Variants in ZHX2 observed in about 807,000 individuals in gnomAD.
ZHX2 encodes zinc fingers and homeoboxes 2.
A neutral mutation model predicts 21.9 loss-of-function variants in ZHX2; 6 were observed. That is an observed-to-expected ratio of 0.27 (90% CI 0.15 to 0.54). The LOEUF (loss-of-function observed/expected upper bound fraction) is 0.54. Ranked by LOEUF, ZHX2 falls within the 20% of genes least tolerant of loss-of-function variation. The pLI is 0.95. For synonymous variants in ZHX2, 434 were observed against 437.1 expected (o/e 0.99, Z 0.09); for missense variants, 908 against 1,090.7 (o/e 0.83, Z 2.36).
At chr8:122,797,849 G>T (rs1323856244) in intron 1 of ZHX2, among the ~76,000 whole-genome samples, 1 of 152,148 alleles carries the variant, frequency 6.6e-6, no homozygotes, top group East Asian at 1.9e-4. Flanking sequence ...TCTAATTACT[G>T]CCAGCACTAA....
intron 2 of ZHX2, among the ~76,000 whole-genome samples, chr8:122,929,660 A>T (rs1205567038): frequency 1.5e-4 from 22 of 150,654 alleles, no homozygotes; most frequent in Non-Finnish European, 3.3e-4. Context: ...AAAAAAAGAC[A>T]GTTGTTGGGA....
chr8:122,807,044 T>G (rs2130592939), intron 1 of ZHX2, among the ~76,000 whole-genome samples: 1 of 152,148 alleles, frequency 6.6e-6, no homozygotes, highest in East Asian at 1.9e-4. Context: ...CAGTCCACAG[T>G]GTGGAGAAGG....
rs184994531 is a variant in ZHX2 at position 122,940,588 on chromosome 8, T to C, written c.-219-10704T>C. Among the ~76,000 whole-genome samples, 196 of 152,282 alleles carry C rather than the reference T, an allele frequency of 1.3e-3. 1 individual carries two copies. The highest frequency in any genetic ancestry group is 3.1e-3 in the East Asian group (16 of 5,180). On this transcript the variant is annotated intron_variant, in intron 2 of 3. Transcript: ENST00000314393. ...AACTTCCATGGGCCACTCATGAAGC[T>C]TTTTTGGTTAGAAAGGATCATGTCA...
chr8:122,871,103 C>T (rs1348840847), intron 2 of ZHX2, among the ~76,000 whole-genome samples: 1 of 152,134 alleles, frequency 6.6e-6, no homozygotes, highest in Non-Finnish European at 1.5e-5. Flanking sequence ...AATTCACATC[C>T]TGGCCCAGCC....
rs118096047 is a variant in ZHX2 at position 122,956,536 on chromosome 8, A to G, written c.*4+2508A>G. Among the ~76,000 whole-genome samples, 14 of 152,236 alleles carry G rather than the reference A, an allele frequency of 9.2e-5. No homozygotes were observed. The East Asian group carries it at 2.7e-3, about 29-fold the overall frequency. ...GAGAAGGAGTTAGCCAAGTGCACAG[A>G]CAAGGGAAAGAGGGGTCCACATGGA... On this transcript the variant is annotated intron_variant, in intron 3 of 3. Coordinates refer to ENST00000314393, the MANE Select transcript of ZHX2 (RefSeq NM_014943.5).
intron 1 of ZHX2, among the ~76,000 whole-genome samples, chr8:122,789,175 T>C (rs1817461156): frequency 6.6e-6 from 1 of 152,200 alleles, no homozygotes; most frequent in Non-Finnish European, 1.5e-5. Flanking sequence ...AATGGCTGTG[T>C]TGCTGTTTTT....
rs767745574 is a variant in ZHX2 at position 122,953,178 on chromosome 8, A to T, written c.1668A>T (p.Gln556His). The T allele has an allele frequency of 6.2e-7, 1 of 1,613,838 alleles. No individual in the cohort carries two copies. The highest frequency in any genetic ancestry group is 8.5e-7 in the Non-Finnish European group (1 of 1,180,004). Residue 556 changes from glutamine to histidine, a missense_variant, in exon 3 of 4, where the codon CAA (glutamine) becomes CAT (histidine). By Grantham distance (24) the Gln-to-His change is conservative. Coordinates refer to ENST00000314393, the MANE Select transcript of ZHX2 (RefSeq NM_014943.5). This position sits in a 1 kb window ranked among gnomAD's most constrained non-coding sequence, Gnocchi z 4.6. ...DSFLKSSFPT[Q>H]AELDRLRVET... is the part of the protein sequence containing the mutation. The stretch of plus-strand genomic sequence containing the variant: ...TTTTGAAAAGTTCTTTTCCTACCCA[A>T]GCAGAACTGGATCGGCTAAGGGTGG...
At chr8:122,880,975 C>G (rs934494461) in intron 2 of ZHX2, among the ~76,000 whole-genome samples, 1 of 152,040 alleles carries the variant, frequency 6.6e-6, no homozygotes, top group African/African-American at 2.4e-5. Context: ...GAAAAGAAAC[C>G]CACCCAGGGT....
intron 3 of ZHX2, among the ~76,000 whole-genome samples, chr8:122,959,077 A>T (rs1813378991): frequency 6.6e-6 from 1 of 152,164 alleles, no homozygotes; most frequent in Non-Finnish European, 1.5e-5. Flanking sequence ...CATTTATTTT[A>T]AACAAAGAAT....
intron 3 of ZHX2, among the ~76,000 whole-genome samples, chr8:122,959,326 T>C (rs1298554411): frequency 6.6e-6 from 1 of 152,202 alleles, no homozygotes; most frequent in Non-Finnish European, 1.5e-5. Context: ...CAATTTAAGA[T>C]CCAGAAGAGG....
intron 2 of ZHX2, among the ~76,000 whole-genome samples, chr8:122,922,008 C>A (rs1016579021): frequency 6.6e-6 from 1 of 152,144 alleles, no homozygotes; most frequent in African/African-American, 2.4e-5. Context: ...ACACAGGGGC[C>A]TCTAGAAGCT....
intron 2 of ZHX2, among the ~76,000 whole-genome samples, chr8:122,910,601 G>A (rs1367078126): frequency 6.6e-6 from 1 of 152,196 alleles, no homozygotes; most frequent in Non-Finnish European, 1.5e-5. Context: ...TCAGCTTGTT[G>A]TGGCATTTTT....
intron 1 of ZHX2, among the ~76,000 whole-genome samples, chr8:122,784,684 A>G (rs1817358908): frequency 6.6e-6 from 1 of 152,234 alleles, no homozygotes; most frequent in South Asian, 2.1e-4. Context: ...ATAGCCATTA[A>G]GCATTTTTGT....
chr8:122,848,111 C>T (rs987299615), intron 1 of ZHX2, among the ~76,000 whole-genome samples: 1 of 152,148 alleles, frequency 6.6e-6, no homozygotes, highest in South Asian at 2.1e-4. Flanking sequence ...ATTTTGCCCT[C>T]AAAATATATT....
intron 2 of ZHX2, among the ~76,000 whole-genome samples, chr8:122,910,601 G>C (rs1367078126): frequency 6.6e-6 from 1 of 152,196 alleles, no homozygotes; most frequent in East Asian, 1.9e-4. Context: ...TCAGCTTGTT[G>C]TGGCATTTTT....
chr8:122,873,766 G>A (rs1184696248), intron 2 of ZHX2, among the ~76,000 whole-genome samples: 4 of 152,284 alleles, frequency 2.6e-5, no homozygotes, highest in African/African-American at 7.2e-5. Context: ...TTGACAAAGT[G>A]TACTCCTTCC....
chr8:122,967,778 C>T (rs1002946448), intron 3 of ZHX2, among the ~76,000 whole-genome samples: 1 of 152,186 alleles, frequency 6.6e-6, no homozygotes, highest in African/African-American at 2.4e-5. Flanking sequence ...TGGCCTCCAG[C>T]CGGGAGGTGG....
At chr8:122,795,922 G>A (rs1817604836) in intron 1 of ZHX2, among the ~76,000 whole-genome samples, 1 of 152,148 alleles carries the variant, frequency 6.6e-6, no homozygotes. Flanking sequence ...TGTAATCCCA[G>A]CACTTTGGGA....
intron 2 of ZHX2, among the ~76,000 whole-genome samples, chr8:122,927,677 C>T (rs1429755561): frequency 6.6e-6 from 1 of 152,162 alleles, no homozygotes; most frequent in African/African-American, 2.4e-5. Context: ...TCTCATGAGA[C>T]TCATTCACTA....
Sources: gnomAD v4.1 joint callset for allele counts (sites outside exome capture counted in the v4.1 genomes callset) on GRCh38, gnomAD v4.1.1 for gene constraint, Gnocchi (gnomAD v3.1) non-coding constraint, MANE v1.5 for transcripts, NCBI Gene and HGNC (gene_info 2026-07-23, HGNC 2026-07-21) for gene names.